Variants in ABCC4 observed in about 807,000 individuals in gnomAD.
The protein encoded by ABCC4 is ATP-binding cassette sub-family C member 4.
Under a neutral mutation model 168.5 loss-of-function variants are expected in ABCC4, and 102 were observed. That is an observed-to-expected ratio of 0.61 (90% confidence interval 0.52 to 0.71). The LOEUF is 0.71. ABCC4 is among the 30% of genes least tolerant of loss of function. ABCC4 has a pLI of 0.00. For missense variants in ABCC4, 1,402 were observed against 1,605.8 expected, an observed-to-expected ratio of 0.87 and a Z score of 2.17; for synonymous variants, 617 against 590.7, an observed-to-expected ratio of 1.04 and a Z score of -0.65.
intron 4 of ABCC4, among the ~76,000 whole-genome samples, chr13:95,217,389 A>G (rs9524838): frequency 0.18 from 27,179 of 152,114 alleles, 3,308 homozygotes; most frequent in Non-Finnish European, 0.27. Flanking sequence ...CATTAATCCA[A>G]TCTTCATTTT....
chr13:95,062,894 A>G, intron 25 of ABCC4, 35 bp from the exon 26 acceptor site: 1 of 1,421,462 alleles, frequency 7.0e-7, no homozygotes. Context: ...ATTAAAAAAA[A>G]AAAGAAAAAA....
chr13:95,073,547 T>C, intron 23 of ABCC4: 2 of 329,840 alleles, frequency 6.1e-6, no homozygotes, highest in African/African-American at 2.1e-5. Context: ...TAGATTTAAT[T>C]AACAGTATTA....
Position 95,289,373 on chromosome 13 carries a change from T to C in ABCC4, c.74+11868A>G, listed in dbSNP as rs183682218. Among the ~76,000 whole-genome samples, 8 of 152,318 alleles carry C rather than the reference T, an allele frequency of 5.3e-5. No homozygotes were observed. The East Asian group carries it at 1.2e-3, about 22-fold the overall frequency. ...ATAGTGACGCAGAGGCTGCAGCTCA[T>C]GCTTTGGAATTTGTCAGACTTGACT... On this transcript the variant is annotated intron_variant, in intron 1 of 30. Coordinates refer to ENST00000645237, the MANE Select transcript of ABCC4 (RefSeq NM_005845.5).
chr13:95,026,899 AAG>A (rs1313977860), intron 30 of ABCC4, among the ~76,000 whole-genome samples: 1 of 151,702 alleles, frequency 6.6e-6, no homozygotes, highest in South Asian at 2.1e-4. Context: ...AAAAAAAAAA[AAG>A]AAAAAGAAAG....
chr13:95,240,567 C>T (rs1457158080), intron 3 of ABCC4, among the ~76,000 whole-genome samples: 1 of 135,502 alleles, frequency 7.4e-6, no homozygotes, highest in Non-Finnish European at 1.6e-5. Context: ...CACACACACA[C>T]ATCTTCAGAG....
chr13:95,171,815 T>C (rs2037486749), intron 13 of ABCC4, among the ~76,000 whole-genome samples: 2 of 152,192 alleles, frequency 1.3e-5, no homozygotes, highest in African/African-American at 4.8e-5. Flanking sequence ...AAAAGGATTA[T>C]TTTTTCCCCT....
intron 11 of ABCC4, among the ~76,000 whole-genome samples, chr13:95,183,707 G>T (rs2037971147): frequency 6.6e-6 from 1 of 152,108 alleles, no homozygotes; most frequent in South Asian, 2.1e-4. Context: ...GAGGTCAAGA[G>T]TTCAAGACCA....
rs150971186 is a variant in ABCC4 at position 95,078,040 on chromosome 13, T to C, written c.2687-2489A>G. Among the ~76,000 whole-genome samples the C allele has an allele frequency of 7.0e-4, 106 of 152,300 alleles. 1 individual carries two copies. The highest frequency in any genetic ancestry group is 2.4e-3 in the African/African-American group (98 of 41,570). On this transcript the variant is annotated intron_variant, in intron 21 of 30. Coordinates refer to ENST00000645237, the MANE Select transcript of ABCC4 (RefSeq NM_005845.5). ...GACTGTCCACCCATCCTTGGGGCTC[T>C]TTCCTGACTGATACATCTGACTGGG...
At chr13:95,198,393 C>A (rs1594282555) in intron 8 of ABCC4, among the ~76,000 whole-genome samples, 1 of 151,910 alleles carries the variant, frequency 6.6e-6, no homozygotes, top group Admixed American at 6.6e-5. Flanking sequence ...AAATGCAAAT[C>A]AAAACCACAA....
chr13:95,092,124 A>T (rs1339738534), intron 20 of ABCC4, among the ~76,000 whole-genome samples: 1 of 152,228 alleles, frequency 6.6e-6, no homozygotes, highest in Non-Finnish European at 1.5e-5. Context: ...AGTCCTAAAC[A>T]TATATGCACC....
intron 13 of ABCC4, among the ~76,000 whole-genome samples, chr13:95,174,066 AGT>A (rs1371158210): frequency 6.6e-6 from 1 of 152,238 alleles, no homozygotes; most frequent in Non-Finnish European, 1.5e-5. Context: ...GGTAGGCAAC[AGT>A]GTGGGAGATC....
chr13:95,157,397 G>C (rs1055194409), intron 19 of ABCC4, among the ~76,000 whole-genome samples: 10 of 151,756 alleles, frequency 6.6e-5, no homozygotes, highest in Non-Finnish European at 1.5e-4. Flanking sequence ...TCAGGAGATA[G>C]ACACATGAGA....
intron 4 of ABCC4, among the ~76,000 whole-genome samples, chr13:95,224,444 T>C (rs886383493): frequency 2.6e-5 from 4 of 152,002 alleles, no homozygotes; most frequent in Non-Finnish European, 5.9e-5. Flanking sequence ...ACTTCTACTA[T>C]AAGAAATGTT....
intron 20 of ABCC4, among the ~76,000 whole-genome samples, chr13:95,096,500 A>C (rs2034602603): frequency 6.6e-6 from 1 of 152,188 alleles, no homozygotes; most frequent in Non-Finnish European, 1.5e-5. Context: ...CCCAAGAAGG[A>C]TACTAAACAC....
intron 19 of ABCC4, among the ~76,000 whole-genome samples, chr13:95,144,361 C>T (rs1001912294): frequency 1.3e-5 from 2 of 151,842 alleles, no homozygotes; most frequent in African/African-American, 4.9e-5. Context: ...AGGAGGCCTA[C>T]TCTCACTACA....
At chr13:95,108,651 T>TA (rs1555313470) in intron 20 of ABCC4, among the ~76,000 whole-genome samples, 47 of 152,000 alleles carry the variant, frequency 3.1e-4, no homozygotes, top group Admixed American at 1.5e-3. Context: ...CTTTTTTTTT[T>TA]TTTTATTTTA....
chr13:95,183,075 C>CT (rs4148491), intron 11 of ABCC4, among the ~76,000 whole-genome samples: 28,000 of 124,342 alleles, frequency 0.23, 3,234 homozygotes, highest in East Asian at 0.37. Flanking sequence ...TCCTCTAGGA[C>CT]TTTTTTTTTT....
At chr13:95,171,288 T>G (rs1486644805) in intron 13 of ABCC4, among the ~76,000 whole-genome samples, 1 of 152,014 alleles carries the variant, frequency 6.6e-6, no homozygotes, top group African/African-American at 2.4e-5. Context: ...GGCTCAAAGA[T>G]AAGACCCACC....
intron 30 of ABCC4, among the ~76,000 whole-genome samples, chr13:95,032,874 G>A (rs1474489038): frequency 2.0e-5 from 3 of 151,060 alleles, no homozygotes; most frequent in African/African-American, 4.9e-5. Flanking sequence ...ATGTTGGCCA[G>A]GATGGTCTTT....
Sources: gnomAD v4.1 joint callset for allele counts (sites outside exome capture counted in the v4.1 genomes callset) on GRCh38, gnomAD v4.1.1 for gene constraint, MANE v1.5 for transcripts, NCBI Gene and HGNC (gene_info 2026-07-23, HGNC 2026-07-21) for gene names.